The following RAB38 variants were observed in gnomAD, a reference collection of about 807,000 sequenced individuals.
RAB38 encodes the protein ras-related protein Rab-38.
Under a neutral mutation model 18.4 loss-of-function variants are expected in RAB38, and 15 were observed. The ratio of observed to expected loss-of-function variants is 0.82; its 90% CI spans 0.55 to 1.26. The LOEUF is 1.26. Ranked by LOEUF, RAB38 falls within the 50% of genes most tolerant of loss-of-function variation. The pLI is 0.00. For synonymous variants in RAB38, 101 were observed against 104.4 expected (o/e 0.97, Z 0.20); for missense variants, 294 against 267.4 (o/e 1.10, Z -0.69).
chr11:87,899,368 A>G, the RAB38 span, among the ~76,000 whole-genome samples: 1 of 151,646 alleles, frequency 6.6e-6, no homozygotes, highest in South Asian at 2.1e-4. Context: ...TTTATTAGCT[A>G]AGTGATTTTG....
chr11:87,804,794 T>C, the RAB38 span, among the ~76,000 whole-genome samples: 1 of 152,228 alleles, frequency 6.6e-6, no homozygotes, highest in Non-Finnish European at 1.5e-5. Flanking sequence ...ACTATATTGC[T>C]CCATTTTCTG....
the RAB38 span, among the ~76,000 whole-genome samples, chr11:87,811,690 T>G: frequency 6.6e-6 from 1 of 152,204 alleles, no homozygotes; most frequent in African/African-American, 2.4e-5. Context: ...GTCTTAAACC[T>G]TTTATTGTGT....
At chr11:88,037,266 C>A in the RAB38 span, among the ~76,000 whole-genome samples, 2 of 151,910 alleles carry the variant, frequency 1.3e-5, no homozygotes, top group Non-Finnish European at 2.9e-5. Context: ...TAAGTTTGTT[C>A]ATTTCATTTT....
chr11:87,940,951 T>TA, the RAB38 span, among the ~76,000 whole-genome samples: 1 of 151,838 alleles, frequency 6.6e-6, no homozygotes, highest in African/African-American at 2.4e-5. Flanking sequence ...TATACATACT[T>TA]ACTTGGTAAA....
the RAB38 span, among the ~76,000 whole-genome samples, chr11:87,957,838 A>G: frequency 4.3e-4 from 65 of 152,232 alleles, 1 homozygote; most frequent in South Asian, 9.1e-3. Flanking sequence ...CCTTTCTTCT[A>G]AGGCCTACCA....
the RAB38 span, chr11:87,816,588 A>G: frequency 2.0e-5 from 3 of 152,032 alleles, no homozygotes; most frequent in South Asian, 6.2e-4. Context: ...CTCTCTCCTC[A>G]TTGTTATATG....
the RAB38 span, among the ~76,000 whole-genome samples, chr11:87,861,044 A>ATCTT: frequency 1.3e-5 from 2 of 152,002 alleles, no homozygotes; most frequent in African/African-American, 4.8e-5. Context: ...GCTTTATAAA[A>ATCTT]TCTTTAGGAG....
intron 2 of RAB38, among the ~76,000 whole-genome samples, chr11:88,145,361 C>T (rs1337008496): frequency 6.6e-6 from 1 of 152,076 alleles, no homozygotes; most frequent in Non-Finnish European, 1.5e-5. Flanking sequence ...GTTGGCCAGG[C>T]TGGTCTCGAA....
the RAB38 span, among the ~76,000 whole-genome samples, chr11:87,827,339 A>G: frequency 6.6e-6 from 1 of 151,298 alleles, no homozygotes; most frequent in Non-Finnish European, 1.5e-5. Context: ...TGTGGATCTC[A>G]AGGGTCTAGG....
chr11:88,137,084 T>A (rs1183996631), intron 2 of RAB38, among the ~76,000 whole-genome samples: 1 of 152,212 alleles, frequency 6.6e-6, no homozygotes. Flanking sequence ...TCACCCTTAG[T>A]GGGAAAGAAG....
intron 2 of RAB38, among the ~76,000 whole-genome samples, chr11:88,127,757 C>T (rs897954832): frequency 6.6e-6 from 1 of 152,088 alleles, no homozygotes; most frequent in Non-Finnish European, 1.5e-5. Context: ...TCTGATAGAC[C>T]AATGCTCCCT....
At chr11:88,118,474 T>C (rs549217206) in intron 2 of RAB38, among the ~76,000 whole-genome samples, 1 of 152,322 alleles carries the variant, frequency 6.6e-6, no homozygotes, top group Admixed American at 6.5e-5. Flanking sequence ...CTAGTTGGCA[T>C]CCAAATAGAC....
At chr11:87,976,838 T>A in the RAB38 span, among the ~76,000 whole-genome samples, 1 of 117,378 alleles carries the variant, frequency 8.5e-6, no homozygotes, top group East Asian at 2.5e-4. Flanking sequence ...AATATAAATA[T>A]ATATTGTGTT....
the RAB38 span, among the ~76,000 whole-genome samples, chr11:88,033,722 T>A: frequency 7.7e-6 from 1 of 129,488 alleles, no homozygotes; most frequent in Non-Finnish European, 1.6e-5. Context: ...TCTGTTGTGT[T>A]GCCTTTTTTT....
At chr11:88,025,451 C>A in the RAB38 span, among the ~76,000 whole-genome samples, 2 of 152,156 alleles carry the variant, frequency 1.3e-5, no homozygotes, top group Admixed American at 1.3e-4. Context: ...TTTGAGAAAT[C>A]TCTAACCTAC....
the RAB38 span, among the ~76,000 whole-genome samples, chr11:88,069,119 G>A: frequency 2.0e-5 from 3 of 152,206 alleles, no homozygotes; most frequent in Non-Finnish European, 4.4e-5. Context: ...CGGTGGGCAT[G>A]AGCTCAGTGG....
chr11:88,113,080 G>A (rs1232609319), downstream of RAB38, among the ~76,000 whole-genome samples: 1 of 151,654 alleles, frequency 6.6e-6, no homozygotes, highest in Non-Finnish European at 1.5e-5. Flanking sequence ...AATGCAGATG[G>A]CATAGACTCA....
At chr11:87,849,465 G>A in the RAB38 span, among the ~76,000 whole-genome samples, 2 of 152,038 alleles carry the variant, frequency 1.3e-5, no homozygotes. Flanking sequence ...GCTTTTGGTG[G>A]GTATCTTGTC....
the RAB38 span, among the ~76,000 whole-genome samples, chr11:88,063,130 G>A: frequency 6.6e-6 from 1 of 152,048 alleles, no homozygotes; most frequent in South Asian, 2.1e-4. Flanking sequence ...CATGGTGGGG[G>A]TAGCAAGAAA....
Sources: allele counts gnomAD v4.1 joint callset (sites outside exome capture counted in the v4.1 genomes callset), GRCh38; gene constraint gnomAD v4.1.1; transcripts MANE v1.5; gene names NCBI Gene and HGNC (gene_info 2026-07-23, HGNC 2026-07-21).